RPH3AL: variants seen among roughly 807,000 people sequenced by gnomAD.
RPH3AL encodes the protein rabphilin 3A like (without C2 domains), also known as rab effector Noc2.
A neutral mutation model predicts 43.1 loss-of-function variants in RPH3AL; 38 were observed. The ratio of observed to expected loss-of-function variants is 0.88; its 90% CI spans 0.68 to 1.15. RPH3AL has a LOEUF of 1.15. Ranked by LOEUF, RPH3AL falls within the 50% of genes most tolerant of loss-of-function variation. The pLI is 0.00. For missense variants in RPH3AL, 462 were observed against 423.2 expected (o/e 1.09, Z -0.81); for synonymous variants, 189 against 176.3 (o/e 1.07, Z -0.57).
intron 1 of RPH3AL, among the ~76,000 whole-genome samples, chr17:339,950 T>C (rs924683862): frequency 3.3e-5 from 5 of 152,126 alleles, no homozygotes; most frequent in African/African-American, 1.2e-4. Context: ...CTGGGACCTG[T>C]GGGACCTCAG....
chr17:332,897 TAA>T, intron 2 of RPH3AL: 1 of 744,224 alleles, frequency 1.3e-6, no homozygotes, highest in Middle Eastern at 3.6e-4. Flanking sequence ...GGAACCCTTG[TAA>T]AACCCCGCAG....
intron 7 of RPH3AL, among the ~76,000 whole-genome samples, chr17:244,932 G>A (rs548491603): frequency 2.5e-4 from 38 of 152,130 alleles, no homozygotes; most frequent in African/African-American, 8.9e-4. Flanking sequence ...TGAGTGTAAC[G>A]CTAGTGTGTG....
At chr17:341,474 C>A (rs543702306) in intron 1 of RPH3AL, 2 of 152,244 alleles carry the variant, frequency 1.3e-5, no homozygotes, top group East Asian at 1.9e-4. Context: ...TGACGTGGAC[C>A]CTGACATCAC....
intron 5 of RPH3AL, among the ~76,000 whole-genome samples, chr17:318,340 C>T (rs997865737): frequency 1.3e-5 from 2 of 152,128 alleles, no homozygotes; most frequent in Non-Finnish European, 2.9e-5. Flanking sequence ...AAGACTGCAC[C>T]ATTTGCACTC....
At chr17:327,601 GAA>G in intron 2 of RPH3AL, 22 bp from the exon 3 acceptor site, 1 of 1,506,104 alleles carries the variant, frequency 6.6e-7, no homozygotes, top group Non-Finnish European at 9.2e-7. Flanking sequence ...GAGGGAAGAC[GAA>G]AGAGTGTGCA....
chr17:272,630 A>G (rs1201826978), intron 6 of RPH3AL, among the ~76,000 whole-genome samples: 1 of 146,954 alleles, frequency 6.8e-6, no homozygotes, highest in East Asian at 2.1e-4. Context: ...GGGGAGGGAT[A>G]GCATTAGGAG....
chr17:349,972 A>G (rs904984727), intron 1 of RPH3AL, among the ~76,000 whole-genome samples: 14 of 152,194 alleles, frequency 9.2e-5, no homozygotes, highest in African/African-American at 2.7e-4. Flanking sequence ...ACAGAGGCCA[A>G]TTAGATTCCT....
chr17:285,892 C>T (rs1412046587), intron 5 of RPH3AL, among the ~76,000 whole-genome samples: 1 of 152,178 alleles, frequency 6.6e-6, no homozygotes, highest in African/African-American at 2.4e-5. Context: ...CGCTCACCTC[C>T]CCTGCGATTC....
rs774115589 is a variant in RPH3AL, at chr17:213,846, G to A, written c.*6C>T. ...ACAGGGAAGTCTGTTCCAGGCACCA[G>A]ACACCTCAGCCCAGGCAGCTGGAGG... On this transcript the variant is annotated 3_prime_UTR_variant, in exon 10 of 10. Coordinates refer to ENST00000331302, the MANE Select transcript of RPH3AL (RefSeq NM_006987.4). 7.4e-6 allele frequency: 12 copies of A among 1,612,382 alleles called. No individual in the cohort carries two copies. The highest frequency in any genetic ancestry group is 1.7e-4 in the Middle Eastern group (1 of 5,798).
intron 5 of RPH3AL, among the ~76,000 whole-genome samples, chr17:305,686 C>G (rs2043467964): frequency 6.6e-6 from 1 of 152,086 alleles, no homozygotes. Context: ...CGGCCACTCT[C>G]CCACCACGCC....
rs531778247 is a variant in RPH3AL, at chr17:328,090, C to A, written c.-36-511G>T. ...CCGATGATCACAATGCCCTCGAGGG[C>A]AGGCAAGAGGGCAGGGGGTGGCAGC... On this transcript the variant is annotated intron_variant, in intron 2 of 9. Coordinates refer to ENST00000331302, the MANE Select transcript of RPH3AL (RefSeq NM_006987.4). The surrounding 1 kb of genome is among the most constrained non-coding windows in gnomAD (Gnocchi z 4.2). 7.9e-5 allele frequency among the ~76,000 whole-genome samples: 12 copies of A among 152,266 alleles called. No individual in the cohort carries two copies. In the East Asian group the frequency reaches 2.1e-3, roughly 27 times the overall value.
chr17:268,557 T>G (rs2042376928), intron 6 of RPH3AL, among the ~76,000 whole-genome samples: 1 of 126,986 alleles, frequency 7.9e-6, no homozygotes, highest in African/African-American at 3.0e-5. Flanking sequence ...TTTTGGGTTT[T>G]TTTTTTTTTT....
intron 7 of RPH3AL, among the ~76,000 whole-genome samples, chr17:244,246 C>A (rs1328360559): frequency 1.3e-4 from 4 of 30,498 alleles, no homozygotes; most frequent in Admixed American, 6.3e-4. Context: ...CTATTGATTA[C>A]CTTCCTCTAT....
chr17:304,218 T>C (rs2043405063), intron 5 of RPH3AL, among the ~76,000 whole-genome samples: 1 of 151,136 alleles, frequency 6.6e-6, no homozygotes, highest in African/African-American at 2.4e-5. Context: ...AGTGACCGTG[T>C]CTCAGGCACC....
rs74220507 is a variant in RPH3AL, at chr17:347,582, C to CAAA, written c.-213+5127_-213+5129dup. Among the ~76,000 whole-genome samples, 132 of 146,648 alleles carry CAAA rather than the reference C, an allele frequency of 9.0e-4. 1 individual carries two copies. Among genetic ancestry groups the CAAA allele is most frequent in the African/African-American group, 3.1e-3 (124 of 39,608 alleles). On this transcript the variant is annotated intron_variant, in intron 1 of 9. Coordinates refer to ENST00000331302, the MANE Select transcript of RPH3AL (RefSeq NM_006987.4). The stretch of plus-strand genomic sequence containing the variant: ...CTGGGTGACAGAGCAAGACTCTGTT[C>CAAA]AAAAAAAAAACCAGCCCAGCCACTT...
rs867346771 is a variant in RPH3AL at position 313,271 on chromosome 17, C to T, written c.351+6149G>A. 2.9e-4 allele frequency among the ~76,000 whole-genome samples: 44 copies of T among 152,266 alleles called. No homozygotes were observed. The Middle Eastern group carries it at 0.014, about 47-fold the overall frequency. Reference sequence around the variant, plus strand: ...CACCACCTGTCTCCAGCACTAGGGTCGTCTCTTAAAAACACAGATCAGATC... The same window carrying T: ...CACCACCTGTCTCCAGCACTAGGGTTGTCTCTTAAAAACACAGATCAGATC... On this transcript the variant is annotated intron_variant, in intron 5 of 9. Coordinates refer to ENST00000331302, the MANE Select transcript of RPH3AL (RefSeq NM_006987.4).
At chr17:321,657 C>T (rs952413166) in intron 3 of RPH3AL, 16 of 489,334 alleles carry the variant, frequency 3.3e-5, no homozygotes, top group Non-Finnish European at 4.7e-5. Flanking sequence ...GTTGGGATTG[C>T]GGGCAACAGA....
chr17:226,385 A>C (rs564391111), intron 7 of RPH3AL, among the ~76,000 whole-genome samples: 1 of 152,246 alleles, frequency 6.6e-6, no homozygotes, highest in African/African-American at 2.4e-5. Context: ...AGCCGTGAAG[A>C]AGCAGGGAAG....
chr17:258,114 C>T (rs1555545011), intron 6 of RPH3AL, among the ~76,000 whole-genome samples: 1 of 152,202 alleles, frequency 6.6e-6, no homozygotes, highest in African/African-American at 2.4e-5. Flanking sequence ...GCAATGTTCC[C>T]CTGTACGGAT....
Sources: gnomAD v4.1 joint callset for allele counts (sites outside exome capture counted in the v4.1 genomes callset) on GRCh38, gnomAD v4.1.1 for gene constraint, Gnocchi (gnomAD v3.1) non-coding constraint, MANE v1.5 for transcripts, NCBI Gene and HGNC (gene_info 2026-07-23, HGNC 2026-07-21) for gene names.